Variants in ADCK1 observed in about 807,000 individuals in gnomAD.
ADCK1 encodes aarF domain-containing protein kinase 1.
Under a neutral mutation model 52.3 loss-of-function variants are expected in ADCK1, and 41 were observed. The ratio of observed to expected loss-of-function variants is 0.78; its 90% CI spans 0.61 to 1.02. The LOEUF is 1.02. Among genes scored for constraint, ADCK1 ranks in the 50% least tolerant of loss-of-function variants. The pLI, the probability that ADCK1 is intolerant of heterozygous loss-of-function variation, is 0.00. For synonymous variants in ADCK1, 250 were observed against 274.6 expected, an observed-to-expected ratio of 0.91 and a Z score of 0.89; for missense variants, 658 against 679.5, an observed-to-expected ratio of 0.97 and a Z score of 0.35.
chr14:77,852,744 A>T (rs1488436391), intron 3 of ADCK1, among the ~76,000 whole-genome samples: 1 of 133,188 alleles, frequency 7.5e-6, no homozygotes, highest in African/African-American at 2.9e-5. Context: ...CTTCAACTAC[A>T]TATTTACTAG....
chr14:77,818,985 A>G lies in ADCK1; in HGVS notation c.7A>G (p.Arg3Gly), dbSNP rs748556697. Residue 3 changes from arginine (R) to glycine (G), a missense_variant, in exon 2 of 11, where the codon AGA (arginine) becomes GGA (glycine). Coordinates refer to ENST00000238561, the MANE Select transcript of ADCK1 (RefSeq NM_020421.4). ...TTCTGCAGGATCTGGCGACATGGCC[A>G]GAAAGGCTCTCAAGCTTGCTTCGTG... The part of the protein sequence containing the change: MA[R>G]KALKLASWTS... 6.2e-7 allele frequency: 1 copy of G among 1,614,128 alleles called. No homozygotes were observed. The highest frequency in any genetic ancestry group is 8.5e-7 in the Non-Finnish European group (1 of 1,180,014).
intron 3 of ADCK1, among the ~76,000 whole-genome samples, chr14:77,841,908 C>T (rs2082076839): frequency 6.7e-6 from 1 of 150,224 alleles, no homozygotes; most frequent in South Asian, 2.1e-4. Context: ...GCCTGTAATC[C>T]CAGCACTTTA....
intron 3 of ADCK1, among the ~76,000 whole-genome samples, chr14:77,823,560 CTTTATTTA>C (rs66494884): frequency 0.034 from 4,626 of 137,036 alleles, 190 homozygotes; most frequent in African/African-American, 0.1. Flanking sequence ...TCTTTCCCCC[CTTTATTTA>C]TTTATTTATT....
intron 9 of ADCK1, among the ~76,000 whole-genome samples, chr14:77,930,299 G>T (rs550363560): frequency 6.6e-6 from 1 of 152,306 alleles, no homozygotes; most frequent in South Asian, 2.1e-4. Flanking sequence ...CAGCGCACAC[G>T]TGCTTCTGAA....
At chr14:77,897,611 C>A (rs1411910413) in intron 5 of ADCK1, among the ~76,000 whole-genome samples, 1 of 152,190 alleles carries the variant, frequency 6.6e-6, no homozygotes, top group East Asian at 1.9e-4. Context: ...AAAATCAAAG[C>A]TTTTCATCCA....
chr14:77,871,184 T>A (rs1107991), intron 4 of ADCK1, among the ~76,000 whole-genome samples: 2 of 151,960 alleles, frequency 1.3e-5, no homozygotes, highest in Non-Finnish European at 2.9e-5. Context: ...GAAGTGGGGA[T>A]GTGGTTCAGG....
chr14:77,847,619 G>T (rs1352477391), intron 3 of ADCK1, among the ~76,000 whole-genome samples: 2 of 152,112 alleles, frequency 1.3e-5, no homozygotes, highest in African/African-American at 4.8e-5. Context: ...GGCCAGTGAG[G>T]CAGTGAGGAC....
At chr14:77,831,730 C>T (rs1330456995) in intron 3 of ADCK1, among the ~76,000 whole-genome samples, 1 of 151,766 alleles carries the variant, frequency 6.6e-6, no homozygotes, top group Non-Finnish European at 1.5e-5. Context: ...GATGGGATTA[C>T]AGGTGTGAGC....
intron 3 of ADCK1, among the ~76,000 whole-genome samples, chr14:77,826,518 G>A (rs2081710609): frequency 6.6e-6 from 1 of 152,210 alleles, no homozygotes; most frequent in East Asian, 1.9e-4. Context: ...GGCAGCCAAG[G>A]TGGTGGGGAG....
chr14:77,838,741 C>T (rs1049512149), intron 3 of ADCK1, among the ~76,000 whole-genome samples: 2 of 152,208 alleles, frequency 1.3e-5, no homozygotes, highest in African/African-American at 4.8e-5. Flanking sequence ...TACCCCCTAA[C>T]CCCCAACATG....
chr14:77,867,474 C>A (rs577190689), intron 4 of ADCK1, among the ~76,000 whole-genome samples: 1 of 152,156 alleles, frequency 6.6e-6, no homozygotes. Context: ...TAAAAAAACC[C>A]ATTTCCCCCC....
At chr14:77,852,691 A>AT (rs1259840385) in intron 3 of ADCK1, among the ~76,000 whole-genome samples, 2 of 95,336 alleles carry the variant, frequency 2.1e-5, no homozygotes, top group Non-Finnish European at 4.4e-5. Context: ...ATATATATAT[A>AT]TATATATATA....
At chr14:77,874,452 A>G (rs949429740) in intron 4 of ADCK1, among the ~76,000 whole-genome samples, 6 of 152,044 alleles carry the variant, frequency 3.9e-5, no homozygotes, top group Non-Finnish European at 8.8e-5. Context: ...AGGCATGGAG[A>G]AGGCCTTTGG....
intron 4 of ADCK1, among the ~76,000 whole-genome samples, chr14:77,878,720 A>C (rs1217923420): frequency 6.6e-6 from 1 of 152,130 alleles, no homozygotes; most frequent in Non-Finnish European, 1.5e-5. Context: ...GGTCTCTTTT[A>C]CCCTAGAGAT....
intron 1 of ADCK1, among the ~76,000 whole-genome samples, chr14:77,810,227 ACCT>A (rs1184192349): frequency 2.6e-5 from 4 of 151,492 alleles, no homozygotes; most frequent in Non-Finnish European, 5.9e-5. Flanking sequence ...TGATCCTCCT[ACCT>A]CAGCCTCCTG....
intron 7 of ADCK1, among the ~76,000 whole-genome samples, chr14:77,920,907 C>T (rs1242872223): frequency 3.9e-5 from 6 of 152,218 alleles, no homozygotes; most frequent in African/African-American, 1.4e-4. Flanking sequence ...TCCTGAGCCT[C>T]CCAAAGTGCT....
intron 7 of ADCK1, among the ~76,000 whole-genome samples, chr14:77,913,540 G>A (rs1043470938): frequency 6.6e-6 from 1 of 152,204 alleles, no homozygotes; most frequent in African/African-American, 2.4e-5. Context: ...AAAAGTAAAG[G>A]TCGTGCAGGA....
At chr14:77,871,797 C>T (rs1446190139) in intron 4 of ADCK1, among the ~76,000 whole-genome samples, 1 of 152,140 alleles carries the variant, frequency 6.6e-6, no homozygotes, top group Non-Finnish European at 1.5e-5. Flanking sequence ...AGCATCATCT[C>T]AAAGAAGCCT....
At chr14:77,819,173 A>G (rs1335294942) in intron 2 of ADCK1, 60 bp downstream of exon 2, 97 of 1,604,508 alleles carry the variant, frequency 6.0e-5, no homozygotes, top group Non-Finnish European at 8.1e-5. Flanking sequence ...AGGTGTTCAT[A>G]CATGTAGCAG....
Sources: allele counts gnomAD v4.1 joint callset (sites outside exome capture counted in the v4.1 genomes callset), GRCh38; gene constraint gnomAD v4.1.1; transcripts MANE v1.5; gene names NCBI Gene and HGNC (gene_info 2026-07-23, HGNC 2026-07-21).